Variants in MYO6 observed in about 807,000 individuals in gnomAD.
MYO6 encodes myosin VI, also known as unconventional myosin-VI.
Under a neutral mutation model 178.7 loss-of-function variants are expected in MYO6, and 74 were observed. The ratio of observed to expected loss-of-function variants is 0.41; its 90% CI spans 0.34 to 0.50. The LOEUF is 0.50. Among genes scored for constraint, MYO6 ranks in the 20% least tolerant of loss-of-function variants. MYO6 has a pLI of 0.09. For synonymous variants in MYO6, 477 were observed against 504.6 expected (o/e 0.95, Z 0.73); for missense variants, 1,330 against 1,547.4 (o/e 0.86, Z 2.36).
chr6:75,758,810 A>G (rs928685849), intron 1 of MYO6, among the ~76,000 whole-genome samples: 4 of 152,112 alleles, frequency 2.6e-5, no homozygotes, highest in Non-Finnish European at 5.9e-5. Flanking sequence ...AATATTAGTT[A>G]AAATTGTTAA....
At chr6:75,754,000 C>T (rs1439985479) in intron 1 of MYO6, among the ~76,000 whole-genome samples, 1 of 152,048 alleles carries the variant, frequency 6.6e-6, no homozygotes, top group Admixed American at 6.6e-5. Context: ...AAAAGTAAAA[C>T]CTAAAGAAGA....
chr6:75,900,775 T>G (rs1779703142), intron 30 of MYO6, among the ~76,000 whole-genome samples: 1 of 151,698 alleles, frequency 6.6e-6, no homozygotes, highest in Admixed American at 6.6e-5. Flanking sequence ...TTGTTGCCAT[T>G]GCTTTTGGTG....
intron 7 of MYO6, among the ~76,000 whole-genome samples, chr6:75,838,033 T>C (rs1773822586): frequency 1.3e-5 from 2 of 151,188 alleles, no homozygotes; most frequent in African/African-American, 4.9e-5. Context: ...GAAAGTGTTA[T>C]TCCAAGTGCT....
intron 1 of MYO6, among the ~76,000 whole-genome samples, chr6:75,796,686 T>C (rs1768866917): frequency 6.6e-6 from 1 of 151,814 alleles, no homozygotes; most frequent in African/African-American, 2.4e-5. Flanking sequence ...CATGCTGGTC[T>C]TGAACTCCTG....
chr6:75,884,419 T>C lies in MYO6; in HGVS notation c.2417-1585T>C, dbSNP rs565356253. Among the ~76,000 whole-genome samples the C allele has an allele frequency of 3.3e-5, 5 of 152,284 alleles. No homozygotes were observed. In the East Asian group the frequency reaches 7.7e-4, roughly 24 times the overall value. The stretch of plus-strand genomic sequence containing the variant: ...AGAACAAATGTTGCCTAAGACAGTT[T>C]GGGAGGTAGCAGTGTAGCATACTAA... On this transcript the variant is annotated intron_variant, in intron 23 of 34. Coordinates refer to ENST00000369977, the MANE Select transcript of MYO6 (RefSeq NM_004999.4).
At chr6:75,798,655 C>T (rs566314034) in intron 1 of MYO6, among the ~76,000 whole-genome samples, 20 of 152,212 alleles carry the variant, frequency 1.3e-4, no homozygotes, top group African/African-American at 4.6e-4. Flanking sequence ...AACCCATAGC[C>T]AACATTGGAC....
chr6:75,750,381 C>T (rs1023056463), intron 1 of MYO6, among the ~76,000 whole-genome samples: 2 of 152,024 alleles, frequency 1.3e-5, no homozygotes, highest in African/African-American at 4.8e-5. Context: ...AGGCGTGAGC[C>T]ACTGCGCCTG....
intron 1 of MYO6, among the ~76,000 whole-genome samples, chr6:75,804,192 T>C (rs951987180): frequency 2.0e-5 from 3 of 152,210 alleles, no homozygotes; most frequent in African/African-American, 7.2e-5. Flanking sequence ...CCTGCTGAAA[T>C]GTTTTTGAGA....
At chr6:75,822,693 T>C (rs1038469158) in intron 2 of MYO6, 89 bp from the exon 3 acceptor site, 5 of 947,594 alleles carry the variant, frequency 5.3e-6, no homozygotes, top group Non-Finnish European at 8.7e-6. Flanking sequence ...TTGTTGCCAC[T>C]ATTACAGTGT....
chr6:75,799,155 A>G (rs1490346096), intron 1 of MYO6, among the ~76,000 whole-genome samples: 4 of 152,144 alleles, frequency 2.6e-5, no homozygotes, highest in African/African-American at 7.2e-5. Context: ...TTGGGAGGCC[A>G]AGGCGGGTGG....
chr6:75,845,977 ACT>A (rs1023870009), intron 10 of MYO6, among the ~76,000 whole-genome samples: 47 of 145,402 alleles, frequency 3.2e-4, no homozygotes, highest in African/African-American at 1.1e-3. Flanking sequence ...ACAGAACGAG[ACT>A]CTGTCTCAAA....
chr6:75,811,315 T>C (rs924861011), intron 1 of MYO6, among the ~76,000 whole-genome samples: 8 of 152,218 alleles, frequency 5.3e-5, no homozygotes, highest in African/African-American at 1.9e-4. Context: ...TATTTTCGAA[T>C]TCATGCCTTG....
At chr6:75,840,721 G>A (rs1363611778) in intron 8 of MYO6, 39 bp downstream of exon 8, 11 of 1,503,398 alleles carry the variant, frequency 7.3e-6, no homozygotes, top group Non-Finnish European at 1.0e-5. Flanking sequence ...TTTTTGGGGA[G>A]TGTTTGTGAA....
At chr6:75,866,677 G>A in intron 17 of MYO6, 56 bp downstream of exon 17, 1 of 1,387,874 alleles carries the variant, frequency 7.2e-7, no homozygotes, top group South Asian at 1.2e-5. Flanking sequence ...GCACTGTACA[G>A]TATGATAGCT....
chr6:75,901,514 G>A (rs1287681557), intron 30 of MYO6, among the ~76,000 whole-genome samples: 21 of 152,046 alleles, frequency 1.4e-4, no homozygotes, highest in Admixed American at 1.0e-3. Flanking sequence ...CTCGTGATTT[G>A]GCTCTCTGTT....
chr6:75,903,861 G>A (rs1361568595), intron 30 of MYO6, among the ~76,000 whole-genome samples: 4 of 151,736 alleles, frequency 2.6e-5, no homozygotes, highest in African/African-American at 7.3e-5. Flanking sequence ...TGCAGCGGCT[G>A]GTACCGGTTG....
rs1447999242 is a variant in MYO6, at chr6:75,873,298, C to T, written c.2075C>T (p.Ser692Leu). The T allele has an allele frequency of 6.2e-7, 1 of 1,607,562 alleles. No individual in the cohort carries two copies. The highest frequency in any genetic ancestry group is 1.1e-5 in the South Asian group (1 of 90,942). The change falls in exon 20 of 35, where the codon TCA (serine) becomes TTA (leucine). Residue 692 changes from serine (S) to leucine (L), a missense_variant and splice_region_variant. Around this residue, in one of 3 missense-constraint regions of MYO6, gnomAD observed 613 missense variants for 816.8 expected, o/e 0.75. Transcript: ENST00000369977. ...CAAATTCTGTCTCAGCTTCAGTGTT[C>T]AGGTATTTTCATAATCTCTGTCAGT... ...GAQILSQLQC[S>L]GMVSVLDLMQ...
chr6:75,806,748 A>G (rs1176897634), intron 1 of MYO6, among the ~76,000 whole-genome samples: 4 of 152,088 alleles, frequency 2.6e-5, no homozygotes. Flanking sequence ...AGCCAGACCC[A>G]CCCCTTTATT....
rs144496034 is a variant in MYO6 at position 75,871,785 on chromosome 6, T to G, written c.1983+1100T>G. Among the ~76,000 whole-genome samples, 1,302 of 152,190 alleles carry G rather than the reference T, an allele frequency of 8.6e-3. 7 individuals carry two copies. The highest frequency in any genetic ancestry group is 0.026 in the African/African-American group (1,097 of 41,530). On this transcript the variant is annotated intron_variant, in intron 19 of 34. Transcript: ENST00000369977. ...GGGTGCTGCTCTAAAATTATGAGAT[T>G]ACTTTGTGATTTATAGAAAAAAAAG...
Sources: allele counts gnomAD v4.1 joint callset (sites outside exome capture counted in the v4.1 genomes callset), GRCh38; gene constraint gnomAD v4.1.1; regional missense constraint gnomAD v4.1.1; transcripts MANE v1.5; gene names NCBI Gene and HGNC (gene_info 2026-07-23, HGNC 2026-07-21).